The following ERC2 variants were observed in gnomAD, a reference collection of about 807,000 sequenced individuals.
ERC2 encodes the protein ELKS/RAB6-interacting/CAST family member 2.
Under a neutral mutation model 114.8 loss-of-function variants are expected in ERC2, and 42 were observed. That is an observed-to-expected ratio of 0.37 (90% confidence interval 0.29 to 0.47). The LOEUF (loss-of-function observed/expected upper bound fraction) is 0.47, where lower values mean the gene tolerates loss of function less well. Ranked by LOEUF, ERC2 falls within the 20% of genes least tolerant of loss-of-function variation. The pLI is 0.99. For synonymous variants in ERC2, 454 were observed against 425.5 expected, an observed-to-expected ratio of 1.07 and a Z score of -0.82; for missense variants, 939 against 1,150.7, an observed-to-expected ratio of 0.82 and a Z score of 2.66.
chr3:56,225,146 T>C (rs935658784), intron 3 of ERC2, among the ~76,000 whole-genome samples: 5 of 152,098 alleles, frequency 3.3e-5, no homozygotes, highest in Non-Finnish European at 1.5e-5. Context: ...CTCAAGATTT[T>C]CTCCACTCCC....
At chr3:56,405,491 G>A (rs1366557016) in intron 2 of ERC2, among the ~76,000 whole-genome samples, 2 of 151,930 alleles carry the variant, frequency 1.3e-5, no homozygotes, top group South Asian at 2.1e-4. Flanking sequence ...CAAAGTCAAT[G>A]TTCACACAGT....
intron 14 of ERC2, among the ~76,000 whole-genome samples, chr3:55,841,244 G>C (rs114621602): frequency 3.9e-5 from 6 of 152,098 alleles, no homozygotes; most frequent in African/African-American, 1.4e-4. Context: ...ATTCCCATGC[G>C]TTCCATGTGA....
At chr3:55,797,807 A>C (rs1013881780) in intron 14 of ERC2, among the ~76,000 whole-genome samples, 1 of 152,252 alleles carries the variant, frequency 6.6e-6, no homozygotes, top group Non-Finnish European at 1.5e-5. Context: ...TTCTACAAAA[A>C]GGATTAGAAA....
chr3:55,512,803 A>T (rs1381596357), intron 17 of ERC2, among the ~76,000 whole-genome samples: 2 of 152,222 alleles, frequency 1.3e-5, no homozygotes, highest in African/African-American at 4.8e-5. Context: ...TGCTGGAGAC[A>T]AGAGAATTCT....
At chr3:56,139,152 G>A (rs1044984339) in intron 6 of ERC2, among the ~76,000 whole-genome samples, 6 of 152,080 alleles carry the variant, frequency 3.9e-5, no homozygotes, top group Non-Finnish European at 7.4e-5. Context: ...AAAATGCTCC[G>A]AAGTATGAAA....
intron 3 of ERC2, among the ~76,000 whole-genome samples, chr3:56,226,342 G>A (rs2050247050): frequency 6.6e-6 from 1 of 152,084 alleles, no homozygotes; most frequent in Admixed American, 6.6e-5. Context: ...CATGCCTAGT[G>A]GTGCTAGAAA....
At chr3:56,464,340 C>G (rs2063445711) in intron 1 of ERC2, among the ~76,000 whole-genome samples, 1 of 152,194 alleles carries the variant, frequency 6.6e-6, no homozygotes, top group Non-Finnish European at 1.5e-5. Flanking sequence ...AAAGCATGCC[C>G]CAGGTAGCTG....
At chr3:55,700,251 A>G (rs1409214144) in intron 15 of ERC2, among the ~76,000 whole-genome samples, 1 of 152,196 alleles carries the variant, frequency 6.6e-6, no homozygotes, top group Non-Finnish European at 1.5e-5. Context: ...TGGACCAGTG[A>G]TGAGTTGGCC....
chr3:56,104,505 A>T (rs1016004308), intron 6 of ERC2, among the ~76,000 whole-genome samples: 1 of 152,212 alleles, frequency 6.6e-6, no homozygotes, highest in African/African-American at 2.4e-5. Flanking sequence ...CCCTCATTGG[A>T]ATAAGGTATA....
At chr3:55,938,154 C>T (rs1267697679) in intron 13 of ERC2, among the ~76,000 whole-genome samples, 1 of 149,946 alleles carries the variant, frequency 6.7e-6, no homozygotes, top group African/African-American at 2.5e-5. Context: ...CCTCGAAAAA[C>T]CAAGAGGTTC....
chr3:56,199,685 T>A (rs1325191325), intron 3 of ERC2, among the ~76,000 whole-genome samples: 2 of 152,052 alleles, frequency 1.3e-5, no homozygotes, highest in Non-Finnish European at 2.9e-5. Flanking sequence ...TTCTTTAATT[T>A]TTTTGTAAAG....
chr3:55,891,904 C>A (rs2063624820), intron 13 of ERC2, among the ~76,000 whole-genome samples: 1 of 152,214 alleles, frequency 6.6e-6, no homozygotes, highest in African/African-American at 2.4e-5. Flanking sequence ...GTGGTTTGCA[C>A]AGCTAAACAT....
At chr3:55,837,146 C>A (rs545594576) in intron 14 of ERC2, among the ~76,000 whole-genome samples, 2 of 152,162 alleles carry the variant, frequency 1.3e-5, no homozygotes, top group Non-Finnish European at 2.9e-5. Flanking sequence ...AACACTTTTA[C>A]ACTGTTGGTG....
intron 12 of ERC2, among the ~76,000 whole-genome samples, chr3:55,956,260 C>T (rs1027749147): frequency 1.3e-5 from 2 of 152,124 alleles, no homozygotes; most frequent in Non-Finnish European, 2.9e-5. Context: ...AGTTACATTC[C>T]TAGCAGGTTA....
intron 14 of ERC2, among the ~76,000 whole-genome samples, 172 bp downstream of exon 14, chr3:55,888,217 C>T (rs1225699166): frequency 6.6e-6 from 1 of 152,170 alleles, no homozygotes; most frequent in Non-Finnish European, 1.5e-5. Context: ...CAAATTGAGA[C>T]ACCAAAGTTA....
intron 17 of ERC2, among the ~76,000 whole-genome samples, chr3:55,650,177 C>G (rs557954386): frequency 7.4e-4 from 113 of 152,328 alleles, no homozygotes; most frequent in African/African-American, 2.5e-3. Context: ...CCACATCCAC[C>G]ACTGAAACGC....
chr3:56,122,088 T>C (rs2079610452), intron 6 of ERC2, among the ~76,000 whole-genome samples: 1 of 152,194 alleles, frequency 6.6e-6, no homozygotes, highest in Non-Finnish European at 1.5e-5. Flanking sequence ...AATAAGTTTG[T>C]AATGGCAGAA....
rs554560024 is a variant in ERC2 at position 56,187,721 on chromosome 3, A to G, written c.1075-14201T>C. Among the ~76,000 whole-genome samples, 10 of 152,324 alleles carry G rather than the reference A, an allele frequency of 6.6e-5. No individual in the cohort carries two copies. In the East Asian group the frequency reaches 7.7e-4, roughly 12 times the overall value. On this transcript the variant is annotated intron_variant, in intron 3 of 17. Transcript: ENST00000288221. Reference sequence around the variant, plus strand: ...TAAAAATTGTAAATGTATACAGGTAATAAGTGCTTTACAAACAACAGCAAT... The same window carrying G: ...TAAAAATTGTAAATGTATACAGGTAGTAAGTGCTTTACAAACAACAGCAAT...
At chr3:55,808,698 A>ATT (rs1442046994) in intron 14 of ERC2, among the ~76,000 whole-genome samples, 1 of 63,236 alleles carries the variant, frequency 1.6e-5, no homozygotes, top group Non-Finnish European at 2.8e-5. Context: ...TTATACCATA[A>ATT]TTTTATATAT....
Sources: gnomAD v4.1 joint callset for allele counts (sites outside exome capture counted in the v4.1 genomes callset) on GRCh38, gnomAD v4.1.1 for gene constraint, MANE v1.5 for transcripts, NCBI Gene and HGNC (gene_info 2026-07-23, HGNC 2026-07-21) for gene names.